DUSP11: variants seen among roughly 807,000 people sequenced by gnomAD.
DUSP11 encodes the protein RNA/RNP complex-1-interacting phosphatase.
Under a neutral mutation model 41.4 loss-of-function variants are expected in DUSP11, and 27 were observed. The ratio of observed to expected loss-of-function variants is 0.65; its 90% CI spans 0.48 to 0.90. The LOEUF (loss-of-function observed/expected upper bound fraction) is 0.90. DUSP11 is among the 40% of genes least tolerant of loss of function. The pLI is 0.00. For missense variants in DUSP11, 465 were observed against 461.1 expected, an observed-to-expected ratio of 1.01 and a Z score of -0.08; for synonymous variants, 188 against 159.3, an observed-to-expected ratio of 1.18 and a Z score of -1.35.
intron 4 of DUSP11, among the ~76,000 whole-genome samples, chr2:73,772,921 T>C (rs1672614663): frequency 6.6e-6 from 1 of 152,232 alleles, no homozygotes; most frequent in South Asian, 2.1e-4. Flanking sequence ...AAGGAGTATT[T>C]ACTGTCAGAT....
chr2:73,766,271 T>C, intron 8 of DUSP11, 147 bp downstream of exon 8: 1 of 708,136 alleles, frequency 1.4e-6, no homozygotes, highest in Non-Finnish European at 2.2e-6. Flanking sequence ...ATCGCGCCAT[T>C]GTACTCCAGC....
intron 5 of DUSP11, chr2:73,767,877 T>C (rs971423842): frequency 2.0e-5 from 3 of 152,202 alleles, no homozygotes; most frequent in African/African-American, 7.2e-5. Flanking sequence ...AGCAGCAAAA[T>C]GATAGGTTGA....
At chr2:73,773,802 T>C (rs1213380340) in exon 4 of DUSP11, 1 of 1,604,844 alleles carries the variant, frequency 6.2e-7, no homozygotes, top group South Asian at 1.1e-5. Flanking sequence ...AAACTCACCA[T>C]TATCTTTATT....
rs757543815 is a variant in DUSP11 at position 73,780,037 on chromosome 2, C to A, written c.79G>T (p.Glu27Ter). Residue 27 changes from glutamate to a stop codon, truncating the protein, a stop_gained, in exon 1 of 9, where the codon GAG (glutamate) becomes TAG (stop). Transcript: ENST00000272444. LOFTEE classifies it high-confidence loss of function. The stretch of plus-strand genomic sequence containing the variant: ...GCCAAAAGCGCCAGTCCGGCGCCCT[C>A]AATGCCAGGATAAGACCCTAAACAG... The A allele has an allele frequency of 1.1e-4, 178 of 1,613,554 alleles. No homozygotes were observed. In the African/African-American group the frequency reaches 2.3e-3, roughly 20 times the overall value.
intron 4 of DUSP11, chr2:73,773,584 C>T (rs544900795): frequency 6.5e-6 from 3 of 459,408 alleles, no homozygotes; most frequent in East Asian, 8.0e-5. Flanking sequence ...CAGTTCAGTT[C>T]ATATTTTGCA....
At chr2:73,765,646 TACC>T (rs1282453441) in intron 8 of DUSP11, among the ~76,000 whole-genome samples, 2 of 152,236 alleles carry the variant, frequency 1.3e-5, no homozygotes, top group African/African-American at 4.8e-5. Flanking sequence ...CATACTAATG[TACC>T]ACTTTAACCA....
chr2:73,766,540 G>A (rs761885998), exon 8 of DUSP11: 3 of 1,614,030 alleles, frequency 1.9e-6, no homozygotes, highest in Non-Finnish European at 2.5e-6. Flanking sequence ...CTGGTTGCAT[G>A]AGATGTGCTG....
At chr2:73,772,123 C>G (rs1312573765) in intron 4 of DUSP11, among the ~76,000 whole-genome samples, 1 of 152,170 alleles carries the variant, frequency 6.6e-6, no homozygotes, top group African/African-American at 2.4e-5. Flanking sequence ...CCCAGCCTAA[C>G]CCACATCTTA....
At chr2:73,767,196 T>C (rs768764291) in exon 6 of DUSP11, 8 of 1,612,102 alleles carry the variant, frequency 5.0e-6, no homozygotes, top group Non-Finnish European at 6.8e-6. Flanking sequence ...GCCTTCTACA[T>C]CAATCAAATA....
intron 3 of DUSP11, 30 bp downstream of exon 3, chr2:73,774,883 A>C (rs747639860): frequency 1.3e-6 from 2 of 1,491,982 alleles, no homozygotes; most frequent in East Asian, 4.7e-5. Context: ...AGAAGGAAGA[A>C]AGTTCTTTTC....
intron 4 of DUSP11, among the ~76,000 whole-genome samples, chr2:73,771,840 A>T (rs1672586431): frequency 7.9e-6 from 1 of 126,340 alleles, no homozygotes. Context: ...TTTTTTTTTG[A>T]GACAGGGTCT....
chr2:73,762,609 T>C lies in DUSP11; in HGVS notation c.*52A>G, dbSNP rs1244464545. ...CTGAACTAATTAAAAGTCACACCAG[T>C]AATTTTCAGGCCAGCTCTGGTCTCC... is the stretch of plus-strand genomic sequence containing the variant. On this transcript the variant is annotated 3_prime_UTR_variant, in exon 9 of 9. Coordinates refer to ENST00000272444, the Ensembl canonical transcript of DUSP11. 6 of 1,427,150 alleles carry C rather than the reference T, an allele frequency of 4.2e-6. No homozygotes were observed. In the South Asian group the frequency reaches 5.1e-5, roughly 12 times the overall value. The allele number at this position is 1,427,150 out of a possible 1,614,324, so 88.4% of individuals were successfully genotyped here. A position where few individuals can be genotyped will look rare whatever the true frequency, so the allele number is the denominator to read the frequency against.
exon 4 of DUSP11, chr2:73,773,915 T>C: frequency 6.3e-7 from 1 of 1,597,014 alleles, no homozygotes; most frequent in Non-Finnish European, 8.5e-7. Context: ...GAACAGTTTC[T>C]GGCAAATCCT....
intron 1 of DUSP11, among the ~76,000 whole-genome samples, chr2:73,779,201 C>A (rs1396309272): frequency 6.6e-6 from 1 of 152,038 alleles, no homozygotes; most frequent in Non-Finnish European, 1.5e-5. Context: ...AGGAGATTCA[C>A]TAATTAGAAC....
chr2:73,768,548 T>C, intron 5 of DUSP11: 16 of 985,438 alleles, frequency 1.6e-5, no homozygotes, highest in Non-Finnish European at 1.9e-5. Flanking sequence ...GGCTATGAGA[T>C]ATGCATTCAA....
exon 3 of DUSP11, chr2:73,775,037 T>C (rs1387467582): frequency 6.2e-7 from 1 of 1,609,910 alleles, no homozygotes; most frequent in East Asian, 2.2e-5. Flanking sequence ...AAGTTTCTTT[T>C]CAAAACTCTG....
intron 4 of DUSP11, among the ~76,000 whole-genome samples, 193 bp from the exon 5 acceptor site, chr2:73,769,518 T>C (rs1044475318): frequency 2.0e-5 from 3 of 152,202 alleles, no homozygotes; most frequent in Non-Finnish European, 2.9e-5. Flanking sequence ...GACTCAGTGA[T>C]GTAAACTGCA....
At chr2:73,777,199 A>G (rs1672705140) in intron 2 of DUSP11, among the ~76,000 whole-genome samples, 1 of 152,172 alleles carries the variant, frequency 6.6e-6, no homozygotes, top group Non-Finnish European at 1.5e-5. Flanking sequence ...GGCTGGTCTA[A>G]AACTCCTGGA....
chr2:73,773,708 A>G, intron 4 of DUSP11, 92 bp downstream of exon 4: 3 of 1,286,888 alleles, frequency 2.3e-6, no homozygotes, highest in Non-Finnish European at 3.2e-6. Flanking sequence ...ATTAAATACA[A>G]CAGGTCTGAG....
Sources: gnomAD v4.1 joint callset for allele counts (sites outside exome capture counted in the v4.1 genomes callset) on GRCh38, gnomAD v4.1.1 for gene constraint, MANE v1.5 for transcripts, NCBI Gene and HGNC (gene_info 2026-07-23, HGNC 2026-07-21) for gene names.